Variants in SCFD2 observed in about 807,000 individuals in gnomAD.
SCFD2 encodes sec1 family domain containing 2.
Under a neutral mutation model 58.9 loss-of-function variants are expected in SCFD2, and 54 were observed. That is an observed-to-expected ratio of 0.92 (90% confidence interval 0.74 to 1.15). The LOEUF (loss-of-function observed/expected upper bound fraction) is 1.15, where lower values mean the gene tolerates loss of function less well. Ranked by LOEUF, SCFD2 falls within the 50% of genes most tolerant of loss-of-function variation. The probability of loss-of-function intolerance (pLI) is 0.00; values close to 1 mark genes in which losing one functional copy is unlikely to be tolerated. For synonymous variants in SCFD2, 321 were observed against 335.9 expected, an observed-to-expected ratio of 0.96 and a Z score of 0.49; for missense variants, 805 against 836.6, an observed-to-expected ratio of 0.96 and a Z score of 0.47.
chr4:52,941,148 A>C (rs892935361), intron 5 of SCFD2, among the ~76,000 whole-genome samples: 2 of 152,164 alleles, frequency 1.3e-5, no homozygotes, highest in Non-Finnish European at 2.9e-5. Context: ...CAGTTCCAGA[A>C]AGATCTTTTC....
intron 5 of SCFD2, among the ~76,000 whole-genome samples, chr4:53,112,720 G>T (rs1725208174): frequency 6.6e-6 from 1 of 152,046 alleles, no homozygotes; most frequent in Non-Finnish European, 1.5e-5. Flanking sequence ...AGAAAATGGG[G>T]ATAATAATAA....
chr4:53,051,164 T>C (rs1723182157), intron 5 of SCFD2, among the ~76,000 whole-genome samples: 1 of 152,192 alleles, frequency 6.6e-6, no homozygotes, highest in African/African-American at 2.4e-5. Flanking sequence ...TGAAGATGTA[T>C]TGAACACAAT....
chr4:53,088,106 A>C (rs532362041), intron 5 of SCFD2, among the ~76,000 whole-genome samples: 1 of 152,366 alleles, frequency 6.6e-6, no homozygotes, highest in South Asian at 2.1e-4. Context: ...AAATTCTTAG[A>C]CTATCCATAT....
intron 4 of SCFD2, among the ~76,000 whole-genome samples, chr4:53,228,283 G>A (rs939711989): frequency 5.9e-5 from 9 of 152,134 alleles, no homozygotes; most frequent in African/African-American, 2.2e-4. Context: ...GGGTAAAAAT[G>A]GGAGTGGTGT....
At chr4:53,198,226 T>C (rs1728118857) in intron 4 of SCFD2, among the ~76,000 whole-genome samples, 1 of 152,092 alleles carries the variant, frequency 6.6e-6, no homozygotes. Flanking sequence ...ATAATTACTG[T>C]ATTTGACTTT....
intron 3 of SCFD2, among the ~76,000 whole-genome samples, chr4:53,294,358 T>A (rs893679321): frequency 2.6e-5 from 4 of 152,228 alleles, no homozygotes; most frequent in African/African-American, 9.6e-5. Flanking sequence ...AGATGGTACA[T>A]CATTGTAGTT....
intron 3 of SCFD2, among the ~76,000 whole-genome samples, chr4:53,301,310 T>C (rs907909820): frequency 3.9e-5 from 6 of 152,152 alleles, no homozygotes; most frequent in African/African-American, 1.4e-4. Flanking sequence ...CATCAGAGAA[T>C]ACTATAAACA....
At chr4:52,888,446 T>C (rs923424307) in intron 7 of SCFD2, among the ~76,000 whole-genome samples, 1 of 152,264 alleles carries the variant, frequency 6.6e-6, no homozygotes, top group Admixed American at 6.5e-5. Flanking sequence ...CCCGACCAAT[T>C]TGTCAACTGC....
chr4:53,202,907 C>T (rs1728294569), intron 4 of SCFD2, among the ~76,000 whole-genome samples: 1 of 152,204 alleles, frequency 6.6e-6, no homozygotes, highest in South Asian at 2.1e-4. Context: ...AGTTGCCTAT[C>T]AGCTGAAGGA....
At chr4:52,888,502 T>TC (rs1718804905) in intron 7 of SCFD2, among the ~76,000 whole-genome samples, 1 of 152,226 alleles carries the variant, frequency 6.6e-6, no homozygotes, top group Non-Finnish European at 1.5e-5. Flanking sequence ...GCTGCTTTTG[T>TC]CCTACTGTAC....
At chr4:53,329,501 G>A (rs1318854580) in intron 2 of SCFD2, among the ~76,000 whole-genome samples, 1 of 149,706 alleles carries the variant, frequency 6.7e-6, no homozygotes, top group Non-Finnish European at 1.5e-5. Flanking sequence ...ACCTCACACG[G>A]CAGGGTATTC....
chr4:52,941,836 G>C (rs989856754), intron 5 of SCFD2, among the ~76,000 whole-genome samples: 1 of 152,176 alleles, frequency 6.6e-6, no homozygotes, highest in Non-Finnish European at 1.5e-5. Context: ...GACCAGAAGT[G>C]TTTCAGATTT....
chr4:52,893,209 CCTTT>C (rs1406679560), intron 7 of SCFD2, among the ~76,000 whole-genome samples: 1 of 152,028 alleles, frequency 6.6e-6, no homozygotes, highest in South Asian at 2.1e-4. Flanking sequence ...CTCTCCTCTC[CCTTT>C]CTTTCTTTTC....
chr4:52,966,339 G>C (rs1162720600), intron 5 of SCFD2, among the ~76,000 whole-genome samples: 2 of 152,206 alleles, frequency 1.3e-5, no homozygotes, highest in African/African-American at 2.4e-5. Flanking sequence ...CGTAAGCACA[G>C]GTCACTTGAT....
intron 7 of SCFD2, among the ~76,000 whole-genome samples, chr4:52,893,047 CAAAT>C (rs1222331288): frequency 2.6e-5 from 4 of 152,166 alleles, no homozygotes; most frequent in African/African-American, 9.7e-5. Context: ...ACAATGGTTT[CAAAT>C]AGTGTTGCAA....
chr4:53,181,172 C>T (rs1033232233), intron 4 of SCFD2, among the ~76,000 whole-genome samples: 12 of 152,146 alleles, frequency 7.9e-5, no homozygotes, highest in African/African-American at 2.2e-4. Flanking sequence ...CAGCATCATC[C>T]TGATACCAAA....
chr4:53,167,372 A>G (rs991212824), intron 4 of SCFD2, among the ~76,000 whole-genome samples: 1 of 152,218 alleles, frequency 6.6e-6, no homozygotes, highest in African/African-American at 2.4e-5. Flanking sequence ...ATGTGTCCAA[A>G]GCACGTGACT....
chr4:52,980,841 C>A (rs182521612), intron 5 of SCFD2, among the ~76,000 whole-genome samples: 2 of 152,286 alleles, frequency 1.3e-5, no homozygotes, highest in East Asian at 3.9e-4. Context: ...TCTATTACTT[C>A]ACCAGGTTTC....
chr4:53,184,228 A>C (rs910643195), intron 4 of SCFD2, among the ~76,000 whole-genome samples: 2 of 152,104 alleles, frequency 1.3e-5, no homozygotes, highest in Admixed American at 1.3e-4. Context: ...CTAGGGAAAA[A>C]GACCACATTT....
Sources: gnomAD v4.1 joint callset for allele counts (sites outside exome capture counted in the v4.1 genomes callset) on GRCh38, gnomAD v4.1.1 for gene constraint, MANE v1.5 for transcripts, NCBI Gene and HGNC (gene_info 2026-07-23, HGNC 2026-07-21) for gene names.